The following TRAPPC9 variants were observed in gnomAD, a reference collection of about 807,000 sequenced individuals.
TRAPPC9 encodes trafficking protein particle complex subunit 9, also known as IKK2 binding protein.
Under a neutral mutation model 124.0 loss-of-function variants are expected in TRAPPC9, and 83 were observed. The observed-to-expected ratio is 0.67, with a 90% CI of 0.56 to 0.80. The LOEUF is 0.80. Ranked by LOEUF, TRAPPC9 falls within the 30% of genes least tolerant of loss-of-function variation. The pLI, the probability that TRAPPC9 is intolerant of heterozygous loss-of-function variation, is 0.00. For synonymous variants in TRAPPC9, 638 were observed against 617.5 expected (o/e 1.03, Z -0.49); for missense variants, 1,302 against 1,508.3 (o/e 0.86, Z 2.27).
At chr8:140,036,351 G>A (rs925356359) in intron 17 of TRAPPC9, among the ~76,000 whole-genome samples, 5 of 152,276 alleles carry the variant, frequency 3.3e-5, no homozygotes, top group African/African-American at 4.8e-5. Context: ...TGTTCGGGGG[G>A]TGGCATGGAG....
intron 21 of TRAPPC9, among the ~76,000 whole-genome samples, chr8:139,858,231 T>C (rs1166678285): frequency 6.6e-6 from 1 of 151,916 alleles, no homozygotes; most frequent in Non-Finnish European, 1.5e-5. Context: ...AAAGAAAGAG[T>C]CAAGTTTTGG....
intron 9 of TRAPPC9, among the ~76,000 whole-genome samples, chr8:140,319,633 A>T (rs1224019593): frequency 6.6e-6 from 1 of 151,710 alleles, no homozygotes; most frequent in Admixed American, 6.6e-5. Context: ...CACCCAGCTA[A>T]TTTTTCATAT....
chr8:140,302,485 C>T lies in TRAPPC9; in HGVS notation c.1623-1871G>A, dbSNP rs113967972. On this transcript the variant is annotated intron_variant, in intron 10 of 22. Transcript: ENST00000438773. ...ACTTAGCCTATGAAGCTGCCAACAG[C>T]AAAGCAGAAGTCCAGGGATAAAGTG... Among the ~76,000 whole-genome samples the T allele has an allele frequency of 3.8e-3, 580 of 152,292 alleles. 4 individuals carry two copies. Among genetic ancestry groups the T allele is most frequent in the East Asian group, 0.013 (68 of 5,176 alleles).
At chr8:139,938,528 T>C (rs566590243) in intron 19 of TRAPPC9, among the ~76,000 whole-genome samples, 1 of 150,052 alleles carries the variant, frequency 6.7e-6, no homozygotes, top group Non-Finnish European at 1.5e-5. Context: ...CTCGTGATCC[T>C]CCCGCCTCGG....
At chr8:139,743,157 G>A (rs1448835806) in intron 21 of TRAPPC9, among the ~76,000 whole-genome samples, 5 of 152,136 alleles carry the variant, frequency 3.3e-5, no homozygotes, top group Admixed American at 1.3e-4. Flanking sequence ...CAGTGACAGC[G>A]GAATGATCTG....
At chr8:140,051,825 A>T (rs1050675642) in intron 17 of TRAPPC9, among the ~76,000 whole-genome samples, 4 of 152,310 alleles carry the variant, frequency 2.6e-5, no homozygotes, top group Non-Finnish European at 4.4e-5. Context: ...AAGAGCAGAC[A>T]TCTAGACTCA....
At position 140,383,545 on chromosome 8, in the gene TRAPPC9, C is replaced by T. The variant is rs183052426; in HGVS notation, c.1135-12365G>A. Among the ~76,000 whole-genome samples, 5 of 152,138 alleles carry T rather than the reference C, an allele frequency of 3.3e-5. No individual in the cohort carries two copies. The East Asian group carries it at 7.7e-4, about 23-fold the overall frequency. On this transcript the variant is annotated intron_variant, in intron 7 of 22. Coordinates refer to ENST00000438773, the MANE Select transcript of TRAPPC9 (RefSeq NM_001160372.4). ...ATGCTTCAGTAGCCGATTCGATCAA[C>T]TGGAAGAAAGGGTATCAGTGATTGA...
chr8:139,915,152 TGGC>T (rs1832036931), intron 19 of TRAPPC9, among the ~76,000 whole-genome samples: 1 of 98,126 alleles, frequency 1.0e-5, no homozygotes, highest in South Asian at 3.6e-4. Flanking sequence ...TCCTGGAGGG[TGGC>T]GGTGGCGGTG....
At chr8:139,918,882 T>C (rs553658906) in intron 19 of TRAPPC9, among the ~76,000 whole-genome samples, 6 of 152,276 alleles carry the variant, frequency 3.9e-5, no homozygotes, top group African/African-American at 1.4e-4. Flanking sequence ...CATTTTAAAT[T>C]GATTTCTTTC....
intron 21 of TRAPPC9, among the ~76,000 whole-genome samples, chr8:139,850,014 C>T (rs1287989158): frequency 2.0e-5 from 3 of 152,186 alleles, no homozygotes; most frequent in African/African-American, 7.2e-5. Context: ...TGCTCTGCTT[C>T]TCGGTTCCCG....
intron 21 of TRAPPC9, among the ~76,000 whole-genome samples, chr8:139,858,205 A>AAAC (rs566288828): frequency 4.3e-4 from 66 of 152,370 alleles, no homozygotes; most frequent in African/African-American, 1.3e-3. Context: ...CTAACTCTTT[A>AAAC]AACAACAACA....
chr8:139,772,857 G>C (rs929638212), intron 21 of TRAPPC9, among the ~76,000 whole-genome samples: 1 of 152,246 alleles, frequency 6.6e-6, no homozygotes, highest in Non-Finnish European at 1.5e-5. Flanking sequence ...GACACACACA[G>C]AGGGAAGACA....
intron 3 of TRAPPC9, 74 bp from the exon 4 acceptor site, chr8:140,435,314 G>T: frequency 1.3e-6 from 2 of 1,560,440 alleles, no homozygotes; most frequent in South Asian, 2.3e-5. Context: ...TCAAGTCAGT[G>T]ACCCTTCATT....
At chr8:140,201,676 C>T (rs1371442607) in intron 17 of TRAPPC9, among the ~76,000 whole-genome samples, 2 of 152,190 alleles carry the variant, frequency 1.3e-5, no homozygotes, top group East Asian at 3.8e-4. Flanking sequence ...AAAATACAGT[C>T]ATACTCTGAG....
intron 16 of TRAPPC9, among the ~76,000 whole-genome samples, chr8:140,242,102 G>A (rs62527486): frequency 0.028 from 4,183 of 151,702 alleles, 89 homozygotes; most frequent in African/African-American, 0.057. Context: ...GCCAGGGTAC[G>A]GCATGCAAGG....
At chr8:140,435,373 G>C in intron 3 of TRAPPC9, 133 bp from the exon 4 acceptor site, 1 of 1,287,832 alleles carries the variant, frequency 7.8e-7, no homozygotes, top group Non-Finnish European at 1.1e-6. Context: ...GGATTATTTG[G>C]AAATGCCAAT....
rs531277939 is a variant in TRAPPC9 at position 139,745,170 on chromosome 8, A to T, written c.3056-12968T>A. ...CAACACACTGAGGCCAGGGTCTCCC[A>T]GCCCATGGACACCCTCCACGGATAC... is the stretch of plus-strand genomic sequence containing the variant. On this transcript the variant is annotated intron_variant, in intron 21 of 22. Transcript: ENST00000438773. 3.9e-5 allele frequency among the ~76,000 whole-genome samples: 6 copies of T among 152,372 alleles called. No individual in the cohort carries two copies. In the East Asian group the frequency reaches 1.2e-3, roughly 29 times the overall value.
chr8:140,430,194 C>T (rs568175394), intron 4 of TRAPPC9, among the ~76,000 whole-genome samples: 1 of 152,136 alleles, frequency 6.6e-6, no homozygotes, highest in African/African-American at 2.4e-5. Flanking sequence ...TACAAATGTC[C>T]CTTCTAATCA....
rs546951369 is a variant in TRAPPC9, at chr8:140,447,724, C to T, written c.584+3066G>A. 2.0e-5 allele frequency among the ~76,000 whole-genome samples: 3 copies of T among 152,228 alleles called. No homozygotes were observed. In the East Asian group the frequency reaches 5.8e-4, roughly 29 times the overall value. Reference sequence around the variant, plus strand: ...GTCAATGTGTCAAACCAAAACTGGCCTTACATCTGGACATTTCCTGTTGAG... The same window carrying T: ...GTCAATGTGTCAAACCAAAACTGGCTTTACATCTGGACATTTCCTGTTGAG... On this transcript the variant is annotated intron_variant, in intron 2 of 22. Coordinates refer to ENST00000438773, the MANE Select transcript of TRAPPC9 (RefSeq NM_001160372.4).
Sources: allele counts gnomAD v4.1 joint callset (sites outside exome capture counted in the v4.1 genomes callset), GRCh38; gene constraint gnomAD v4.1.1; transcripts MANE v1.5; gene names NCBI Gene and HGNC (gene_info 2026-07-23, HGNC 2026-07-21).